The following VPS41 variants were observed in gnomAD, a reference collection of about 807,000 sequenced individuals.
VPS41 encodes the protein vacuolar protein sorting-associated protein 41 homolog.
Under a neutral mutation model 130.9 loss-of-function variants are expected in VPS41, and 85 were observed. The ratio of observed to expected loss-of-function variants is 0.65; its 90% confidence interval spans 0.55 to 0.78. The LOEUF (loss-of-function observed/expected upper bound fraction) is 0.78, where lower values mean the gene tolerates loss of function less well. VPS41 is among the 30% of genes least tolerant of loss of function. The probability of loss-of-function intolerance (pLI) is 0.00; values close to 1 mark genes in which losing one functional copy is unlikely to be tolerated. For missense variants in VPS41, 874 were observed against 1,018.7 expected, an observed-to-expected ratio of 0.86 and a Z score of 1.93; for synonymous variants, 335 against 332.9, an observed-to-expected ratio of 1.01 and a Z score of -0.07.
chr7:38,773,235 G>A (rs1420642526), intron 12 of VPS41, among the ~76,000 whole-genome samples: 2 of 152,114 alleles, frequency 1.3e-5, no homozygotes, highest in African/African-American at 4.8e-5. Context: ...AGGGTTTCCT[G>A]CAGAATTCAA....
chr7:38,832,838 A>G (rs1021116495), intron 4 of VPS41, among the ~76,000 whole-genome samples: 3 of 152,108 alleles, frequency 2.0e-5, no homozygotes, highest in Admixed American at 1.3e-4. Context: ...TCTCCAGGCC[A>G]TGGAATGACT....
chr7:38,888,395 G>A (rs1786782430), intron 2 of VPS41, among the ~76,000 whole-genome samples: 1 of 152,142 alleles, frequency 6.6e-6, no homozygotes, highest in Non-Finnish European at 1.5e-5. Context: ...TGATAAAACA[G>A]ACTTTAAACC....
At chr7:38,820,128 A>T (rs770804373) in intron 6 of VPS41, among the ~76,000 whole-genome samples, 6 of 152,150 alleles carry the variant, frequency 3.9e-5, no homozygotes, top group Admixed American at 1.3e-4. Flanking sequence ...ACCCTCATCC[A>T]AGCCATCACT....
At chr7:38,780,020 A>G (rs1349658561) in intron 10 of VPS41, among the ~76,000 whole-genome samples, 1 of 152,190 alleles carries the variant, frequency 6.6e-6, no homozygotes, top group African/African-American at 2.4e-5. Flanking sequence ...AAGGAGACTC[A>G]GTTTGAATAC....
chr7:38,790,212 G>C (rs556015582), intron 9 of VPS41, among the ~76,000 whole-genome samples: 6 of 152,202 alleles, frequency 3.9e-5, no homozygotes, highest in South Asian at 2.1e-4. Context: ...ACCATTAACT[G>C]TAACTATGGT....
At chr7:38,754,970 A>C in intron 19 of VPS41, 34 bp from the exon 20 acceptor site, 1 of 1,605,848 alleles carries the variant, frequency 6.2e-7, no homozygotes, top group Non-Finnish European at 8.5e-7. Context: ...AGTCAATGAA[A>C]TCCGTTATTT....
chr7:38,776,876 TA>T, intron 10 of VPS41, 100 bp from the exon 11 acceptor site: 2 of 609,210 alleles, frequency 3.3e-6, no homozygotes, highest in Non-Finnish European at 6.0e-6. Context: ...GACCCCTTTT[TA>T]AAAGCTAACG....
chr7:38,846,787 CAAAGG>C (rs986029998), intron 4 of VPS41, among the ~76,000 whole-genome samples: 7 of 151,932 alleles, frequency 4.6e-5, no homozygotes, highest in African/African-American at 1.7e-4. Flanking sequence ...AAAGAACCAG[CAAAGG>C]AAAGAATGAG....
chr7:38,771,087 A>C (rs1332224522), intron 14 of VPS41, 111 bp downstream of exon 14: 1 of 814,692 alleles, frequency 1.2e-6, no homozygotes, highest in African/African-American at 1.7e-5. Flanking sequence ...AATTAGTTTA[A>C]AATAAATTCT....
Position 38,723,801 on chromosome 7 carries a change from G to A in VPS41, c.*2445C>T, listed in dbSNP as rs963011181. On this transcript the variant is annotated 3_prime_UTR_variant, in exon 29 of 29. Transcript: ENST00000310301. The stretch of plus-strand genomic sequence containing the variant: ...TTGCAACTATGTTCTTCCCCAAAAC[G>A]AGGGGAATGGGTTTCCTTTTTACCT... The A allele has an allele frequency of 7.0e-6, 1 of 143,788 alleles. No individual in the cohort carries two copies. The highest frequency in any genetic ancestry group is 1.5e-5 in the Non-Finnish European group (1 of 66,710). 8.9% of individuals were successfully genotyped at this position (143,788 alleles called of 1,614,324 possible).
intron 4 of VPS41, among the ~76,000 whole-genome samples, chr7:38,859,213 T>C (rs1786049450): frequency 6.6e-6 from 1 of 152,190 alleles, no homozygotes; most frequent in African/African-American, 2.4e-5. Flanking sequence ...GGTGTGCTAT[T>C]ATAAAGTCAA....
At chr7:38,870,887 C>A (rs1584437773) in intron 2 of VPS41, among the ~76,000 whole-genome samples, 1 of 142,074 alleles carries the variant, frequency 7.0e-6, no homozygotes, top group Admixed American at 7.0e-5. Context: ...ATTAAGAAGT[C>A]AATAGATGGT....
intron 3 of VPS41, among the ~76,000 whole-genome samples, chr7:38,863,336 G>A (rs997002261): frequency 6.6e-6 from 1 of 152,162 alleles, no homozygotes; most frequent in East Asian, 1.9e-4. Flanking sequence ...AATATGACAT[G>A]AGAGTTTTCT....
intron 2 of VPS41, among the ~76,000 whole-genome samples, chr7:38,872,587 T>C (rs1786393700): frequency 6.6e-6 from 1 of 152,156 alleles, no homozygotes; most frequent in Non-Finnish European, 1.5e-5. Flanking sequence ...TTTCCAAGAA[T>C]AACTTTAAGA....
intron 6 of VPS41, among the ~76,000 whole-genome samples, chr7:38,819,294 C>CTT (rs1785119918): frequency 6.6e-6 from 1 of 152,206 alleles, no homozygotes; most frequent in Admixed American, 6.5e-5. Flanking sequence ...AGATTATCTT[C>CTT]CCTACCTAAG....
chr7:38,763,570 A>G (rs1227435650), intron 16 of VPS41, 23 bp from the exon 17 acceptor site: 21 of 1,514,234 alleles, frequency 1.4e-5, no homozygotes, highest in Non-Finnish European at 1.9e-5. Flanking sequence ...AAGGGAAAAA[A>G]AAGTCCATTA....
At chr7:38,850,447 T>C (rs1247804619) in intron 4 of VPS41, among the ~76,000 whole-genome samples, 2 of 152,194 alleles carry the variant, frequency 1.3e-5, no homozygotes, top group Admixed American at 1.3e-4. Context: ...AAAATATATA[T>C]ACTCTTAAAA....
chr7:38,791,935 G>A (rs1159937624), intron 9 of VPS41, among the ~76,000 whole-genome samples: 2 of 152,200 alleles, frequency 1.3e-5, no homozygotes, highest in Non-Finnish European at 2.9e-5. Context: ...AGGGCTGACA[G>A]TCTTCCAACA....
At chr7:38,899,524 C>G (rs1342441758) in intron 1 of VPS41, among the ~76,000 whole-genome samples, 4 of 152,202 alleles carry the variant, frequency 2.6e-5, no homozygotes, top group Non-Finnish European at 5.9e-5. Flanking sequence ...CTGTACTGAT[C>G]CTTCTCTTGT....
Sources: allele counts gnomAD v4.1 joint callset (sites outside exome capture counted in the v4.1 genomes callset), GRCh38; gene constraint gnomAD v4.1.1; transcripts MANE v1.5; gene names NCBI Gene and HGNC (gene_info 2026-07-23, HGNC 2026-07-21).